The following WDR7 variants were observed in gnomAD, a reference collection of about 807,000 sequenced individuals.
WDR7 encodes WD repeat domain 7, also known as WD repeat-containing protein 7.
Under a neutral mutation model 169.4 loss-of-function variants are expected in WDR7, and 46 were observed. The observed-to-expected ratio is 0.27, with a 90% CI of 0.21 to 0.35. WDR7 has a LOEUF of 0.35. WDR7 is among the 10% of genes least tolerant of loss of function. The probability of loss-of-function intolerance (pLI) is 1.00; values close to 1 mark genes in which losing one functional copy is unlikely to be tolerated. For missense variants in WDR7, 1,534 were observed against 1,859.3 expected (o/e 0.83, Z 3.22); for synonymous variants, 612 against 666.8 (o/e 0.92, Z 1.27).
At chr18:56,754,372 C>A (rs930201046) in intron 14 of WDR7, among the ~76,000 whole-genome samples, 1 of 145,122 alleles carries the variant, frequency 6.9e-6, no homozygotes, top group Non-Finnish European at 1.5e-5. Flanking sequence ...TATATATACA[C>A]GTATATATGT....
At chr18:56,790,418 T>C (rs563001053) in intron 19 of WDR7, among the ~76,000 whole-genome samples, 1 of 152,194 alleles carries the variant, frequency 6.6e-6, no homozygotes, top group Non-Finnish European at 1.5e-5. Flanking sequence ...CTTGTTTTTT[T>C]GTTTGGCCTT....
chr18:56,719,026 G>A (rs952064316), intron 13 of WDR7, among the ~76,000 whole-genome samples: 2 of 152,124 alleles, frequency 1.3e-5, no homozygotes, highest in African/African-American at 4.8e-5. Flanking sequence ...CATTTTAACT[G>A]GTAGTACATA....
intron 14 of WDR7, among the ~76,000 whole-genome samples, chr18:56,739,842 T>G (rs564610172): frequency 1.8e-4 from 28 of 152,060 alleles, no homozygotes; most frequent in Non-Finnish European, 3.4e-4. Context: ...TTCCCTTGTT[T>G]TTTAGCAGTT....
intron 19 of WDR7, among the ~76,000 whole-genome samples, chr18:56,815,594 G>A (rs1049449438): frequency 2.0e-5 from 3 of 152,042 alleles, no homozygotes; most frequent in African/African-American, 4.8e-5. Flanking sequence ...TAGCCCCAGG[G>A]CACAAATTCT....
intron 2 of WDR7, among the ~76,000 whole-genome samples, 184 bp downstream of exon 2, chr18:56,672,858 T>C (rs2025166041): frequency 1.3e-5 from 2 of 152,208 alleles, no homozygotes; most frequent in Admixed American, 1.3e-4. Context: ...TCTGAGGGCT[T>C]TTGGCCATTT....
chr18:56,757,407 T>G, intron 15 of WDR7, 55 bp downstream of exon 15: 2 of 1,470,626 alleles, frequency 1.4e-6, no homozygotes, highest in Non-Finnish European at 1.8e-6. Context: ...GAAACCTGTT[T>G]TATTTTTTCA....
At chr18:56,792,098 ACCT>A (rs1568197040) in intron 19 of WDR7, among the ~76,000 whole-genome samples, 1 of 152,058 alleles carries the variant, frequency 6.6e-6, no homozygotes, top group East Asian at 1.9e-4. Flanking sequence ...GCTGACTGCA[ACCT>A]CAACCTCCTG....
At chr18:56,696,539 C>G (rs2025708353) in intron 12 of WDR7, 77 bp downstream of exon 12, 1 of 1,170,940 alleles carries the variant, frequency 8.5e-7, no homozygotes, top group Non-Finnish European at 1.2e-6. Flanking sequence ...TAAATGGAAT[C>G]TAGACTAACT....
intron 21 of WDR7, among the ~76,000 whole-genome samples, chr18:56,910,667 G>A (rs941981231): frequency 6.6e-6 from 1 of 152,136 alleles, no homozygotes; most frequent in Non-Finnish European, 1.5e-5. Context: ...CTTCTCTAAA[G>A]GGTAATCTCA....
At chr18:56,949,425 T>G (rs1337246231) in intron 25 of WDR7, among the ~76,000 whole-genome samples, 1 of 152,234 alleles carries the variant, frequency 6.6e-6, no homozygotes, top group Admixed American at 6.5e-5. Context: ...AAAAGTAGCC[T>G]TGCTTTACAT....
chr18:56,998,820 T>G (rs1310541880), intron 26 of WDR7, among the ~76,000 whole-genome samples: 1 of 152,208 alleles, frequency 6.6e-6, no homozygotes, highest in Non-Finnish European at 1.5e-5. Flanking sequence ...GAGAAATAAG[T>G]GATTATTCTA....
intron 19 of WDR7, among the ~76,000 whole-genome samples, chr18:56,792,150 T>C (rs2044497710): frequency 6.6e-6 from 1 of 152,122 alleles, no homozygotes; most frequent in Non-Finnish European, 1.5e-5. Flanking sequence ...TCCACGTAGC[T>C]GGGACCACAG....
At chr18:56,678,485 C>CCCAAGT (rs1337169514) in intron 2 of WDR7, among the ~76,000 whole-genome samples, 11 of 119,890 alleles carry the variant, frequency 9.2e-5, no homozygotes, top group Admixed American at 8.7e-4. Context: ...TTAGGGGAGA[C>CCCAAGT]CCAGTAACAC....
intron 21 of WDR7, among the ~76,000 whole-genome samples, chr18:56,918,376 A>C (rs2046658388): frequency 6.6e-6 from 1 of 152,186 alleles, no homozygotes; most frequent in Admixed American, 6.5e-5. Context: ...TTATATAGAG[A>C]AGGTGCTCTT....
rs2025370268 is a variant in WDR7, at chr18:56,682,567, G to C, written c.346-112G>C. On this transcript the variant is annotated intron_variant, in intron 4 of 27. Coordinates refer to ENST00000254442, the MANE Select transcript of WDR7 (RefSeq NM_015285.3). ...GTAAATATCTAAAATTCTTACCGAA[G>C]AAGTTGAGCTTTAGGAGAATATTGT... 2.5e-6 allele frequency: 3 copies of C among 1,198,766 alleles called. No individual in the cohort carries two copies. In the Admixed American group the frequency reaches 7.2e-5, roughly 29 times the overall value. 74.3% of individuals were successfully genotyped at this position (1,198,766 alleles called of 1,614,324 possible). A position where few individuals can be genotyped will look rare whatever the true frequency, so the allele number is the denominator to read the frequency against.
chr18:56,987,056 G>A (rs1256638774), intron 26 of WDR7, among the ~76,000 whole-genome samples: 1 of 152,090 alleles, frequency 6.6e-6, no homozygotes, highest in Admixed American at 6.6e-5. Flanking sequence ...GTCAGGGTTT[G>A]AATTCCCTGT....
At chr18:56,840,440 A>G (rs1469400416) in intron 20 of WDR7, among the ~76,000 whole-genome samples, 1 of 152,212 alleles carries the variant, frequency 6.6e-6, no homozygotes, top group African/African-American at 2.4e-5. Flanking sequence ...TTATCAAGTA[A>G]AAAGTTTTAA....
At chr18:56,736,947 A>T (rs2026713479) in intron 14 of WDR7, among the ~76,000 whole-genome samples, 1 of 152,174 alleles carries the variant, frequency 6.6e-6, no homozygotes, top group African/African-American at 2.4e-5. Flanking sequence ...GTTTACCCTT[A>T]CTAGAAATTG....
intron 26 of WDR7, among the ~76,000 whole-genome samples, chr18:57,012,078 C>T (rs533010871): frequency 2.6e-5 from 4 of 152,046 alleles, no homozygotes; most frequent in Non-Finnish European, 5.9e-5. Flanking sequence ...TGTAACCTGG[C>T]CTGGGTATCT....
Sources: allele counts gnomAD v4.1 joint callset (sites outside exome capture counted in the v4.1 genomes callset), GRCh38; gene constraint gnomAD v4.1.1; transcripts MANE v1.5; gene names NCBI Gene and HGNC (gene_info 2026-07-23, HGNC 2026-07-21).